Variants in HUNK observed in about 807,000 individuals in gnomAD.
HUNK encodes hormonally up-regulated Neu-associated kinase.
HUNK carries 21 observed loss-of-function variants against 61.0 expected under a neutral mutation model. That is an observed-to-expected ratio of 0.34 (90% CI 0.24 to 0.50). The LOEUF is 0.50. Among genes scored for constraint, HUNK ranks in the 20% least tolerant of loss-of-function variants. HUNK has a pLI of 0.98. For missense variants in HUNK, 772 were observed against 945.7 expected (o/e 0.82, Z 2.41); for synonymous variants, 371 against 386.1 (o/e 0.96, Z 0.46).
At chr21:31,917,232 G>A (rs182853151) in intron 1 of HUNK, among the ~76,000 whole-genome samples, 17 of 151,902 alleles carry the variant, frequency 1.1e-4, no homozygotes, top group South Asian at 2.1e-4. Flanking sequence ...TCACTCTGTC[G>A]CCCAGGCTTG....
chr21:31,972,888 A>C (rs2053021626), intron 6 of HUNK, among the ~76,000 whole-genome samples: 1 of 151,980 alleles, frequency 6.6e-6, no homozygotes, highest in Non-Finnish European at 1.5e-5. Flanking sequence ...GGTGGCAGGC[A>C]ATGGTCAGGA....
At chr21:31,923,882 A>T (rs573053774) in intron 1 of HUNK, among the ~76,000 whole-genome samples, 2 of 152,298 alleles carry the variant, frequency 1.3e-5, no homozygotes, top group South Asian at 4.1e-4. Context: ...GAGGCAATTC[A>T]TCAAGGGAAG....
intron 10 of HUNK, among the ~76,000 whole-genome samples, chr21:31,997,002 G>A (rs2053210313): frequency 6.6e-6 from 1 of 152,232 alleles, no homozygotes; most frequent in African/African-American, 2.4e-5. Context: ...TGCATCTCAG[G>A]TGCCTGCGCC....
intron 8 of HUNK, among the ~76,000 whole-genome samples, chr21:31,987,010 A>G (rs2053138029): frequency 1.3e-5 from 2 of 152,168 alleles, no homozygotes; most frequent in Admixed American, 6.5e-5. Context: ...GCTCCTCACA[A>G]TATTCCCAGA....
chr21:31,916,366 T>C (rs2052583191), intron 1 of HUNK, among the ~76,000 whole-genome samples: 1 of 151,958 alleles, frequency 6.6e-6, no homozygotes, highest in African/African-American at 2.4e-5. Flanking sequence ...GCTTTCTTTA[T>C]GTACATTATC....
intron 5 of HUNK, among the ~76,000 whole-genome samples, chr21:31,963,024 T>A (rs1053152108): frequency 6.6e-6 from 1 of 152,224 alleles, no homozygotes; most frequent in Non-Finnish European, 1.5e-5. Context: ...GGTTTGAGGA[T>A]CAGCTGCTGC....
intron 1 of HUNK, among the ~76,000 whole-genome samples, chr21:31,882,847 C>T (rs1050390987): frequency 2.0e-5 from 3 of 152,162 alleles, no homozygotes; most frequent in African/African-American, 7.2e-5. Context: ...ACTGTACATG[C>T]TGTTCATTAT....
chr21:31,975,886 T>A (rs961151342), intron 7 of HUNK, among the ~76,000 whole-genome samples: 1 of 152,200 alleles, frequency 6.6e-6, no homozygotes, highest in Non-Finnish European at 1.5e-5. Flanking sequence ...GGGAGCCGTC[T>A]AGAAAACATT....
rs114576805 is a variant in HUNK at position 31,998,402 on chromosome 21, G to A, written c.1487-124G>A. 3.2e-3 allele frequency: 2,808 copies of A among 885,118 alleles called. 52 individuals are homozygous for A. The African/African-American group carries it at 0.041, about 13-fold the overall frequency. 54.8% of individuals were successfully genotyped at this position (885,118 alleles called of 1,614,324 possible). On this transcript the variant is annotated intron_variant, in intron 10 of 10. Coordinates refer to ENST00000270112, the MANE Select transcript of HUNK (RefSeq NM_014586.2). ...TGCAAAGTAGCCAAGGCTGTTTGCC[G>A]GTTGGTTTCTTCTGACCTTGGCGGG...
At chr21:31,968,147 C>A in intron 5 of HUNK, 103 bp from the exon 6 acceptor site, 1 of 1,375,528 alleles carries the variant, frequency 7.3e-7, no homozygotes, top group Non-Finnish European at 1.0e-6. Flanking sequence ...AGCAGTGACT[C>A]GGGATGGGCA....
intron 3 of HUNK, among the ~76,000 whole-genome samples, chr21:31,940,748 G>C (rs1325439573): frequency 3.3e-5 from 5 of 152,180 alleles, no homozygotes; most frequent in African/African-American, 1.2e-4. Context: ...ATGGTCCATA[G>C]CAAATTCACT....
chr21:31,934,570 C>T (rs2052719924), intron 2 of HUNK, among the ~76,000 whole-genome samples: 1 of 151,780 alleles, frequency 6.6e-6, no homozygotes, highest in Non-Finnish European at 1.5e-5. Context: ...GGGTATATTG[C>T]GTGATGCTGA....
rs1356742474 is a variant in HUNK at position 31,955,418 on chromosome 21, G to A, written c.747-3425G>A. ...ATCCTGGCTAACACAGTGAAACCCC[G>A]TCTCTACGAAAAAAAAAAAAAAAAT... On this transcript the variant is annotated intron_variant, in intron 4 of 10. Coordinates refer to ENST00000270112, the MANE Select transcript of HUNK (RefSeq NM_014586.2). Among the ~76,000 whole-genome samples the A allele has an allele frequency of 1.3e-4, 18 of 141,514 alleles. No individual in the cohort carries two copies. The East Asian group carries it at 2.7e-3, about 21-fold the overall frequency. 92.8% of individuals were successfully genotyped at this position (141,514 alleles called of 152,430 possible).
In HUNK at chr21:31,958,844, G is replaced by T; in HGVS notation, c.748G>T (p.Gly250Cys). The change falls in exon 5 of 11, where the codon GGT becomes TGT. Residue 250 changes from glycine to cysteine, a missense_variant and splice_region_variant. This residue lies in a region of HUNK where 359 missense variants were observed against 501.3 expected (regional missense o/e 0.72). Transcript: ENST00000270112. ...YGPKIDVWSI[G>C]VNMYAMLTGT... ...TCATGTGTATGTCTCTCTTTTCAGA[G>T]GTGTGAACATGTATGCCATGTTGAC... 6.3e-7 allele frequency: 1 copy of T among 1,595,990 alleles called. No homozygotes were observed.
chr21:31,939,844 T>C (rs1286862125), intron 2 of HUNK, among the ~76,000 whole-genome samples: 1 of 151,998 alleles, frequency 6.6e-6, no homozygotes, highest in Admixed American at 6.6e-5. Context: ...GAGTGATGTG[T>C]TCCTCTCTCC....
intron 2 of HUNK, among the ~76,000 whole-genome samples, chr21:31,939,399 G>GTTTT (rs398036365): frequency 3.0e-4 from 20 of 66,730 alleles, no homozygotes; most frequent in African/African-American, 1.1e-3. Context: ...GCTTTCATGT[G>GTTTT]TTTTTTTTTT....
chr21:31,925,768 T>C (rs891397678), intron 2 of HUNK, among the ~76,000 whole-genome samples: 2 of 152,192 alleles, frequency 1.3e-5, no homozygotes, highest in African/African-American at 4.8e-5. Context: ...GTGCCTGCTT[T>C]TAGTACTGTA....
intron 1 of HUNK, among the ~76,000 whole-genome samples, chr21:31,876,256 T>C (rs1398140792): frequency 6.6e-6 from 1 of 152,188 alleles, no homozygotes; most frequent in Non-Finnish European, 1.5e-5. Context: ...ATGTCTGTGT[T>C]GAAAAACTTG....
rs893178805 is a variant in HUNK at position 32,001,371 on chromosome 21, G to A, written c.*2187G>A. The A allele has an allele frequency of 4.6e-5, 7 of 152,124 alleles. No individual in the cohort carries two copies. Among genetic ancestry groups the A allele is most frequent in the African/African-American group, 1.4e-4 (6 of 41,414 alleles). The allele number at this position is 152,124 out of a possible 1,614,324, so 9.4% of individuals were successfully genotyped here. On this transcript the variant is annotated 3_prime_UTR_variant, in exon 11 of 11. Coordinates refer to ENST00000270112, the MANE Select transcript of HUNK (RefSeq NM_014586.2). ...CATGAAGTGTACCTTTTCTAAAGACGGTTTCCAGCTGCAACGGCTCCACTT... is the reference window on the plus strand; with the variant it reads ...CATGAAGTGTACCTTTTCTAAAGACAGTTTCCAGCTGCAACGGCTCCACTT...
Sources: allele counts gnomAD v4.1 joint callset (sites outside exome capture counted in the v4.1 genomes callset), GRCh38; gene constraint gnomAD v4.1.1; regional missense constraint gnomAD v4.1.1; transcripts MANE v1.5; gene names NCBI Gene and HGNC (gene_info 2026-07-23, HGNC 2026-07-21).